The following ULK4 variants were observed in gnomAD, a reference collection of about 807,000 sequenced individuals.
ULK4 encodes unc-51 like kinase 4.
Under a neutral mutation model 160.6 loss-of-function variants are expected in ULK4, and 133 were observed. The ratio of observed to expected loss-of-function variants is 0.83; its 90% confidence interval spans 0.72 to 0.96. The LOEUF (loss-of-function observed/expected upper bound fraction) is 0.96. Among genes scored for constraint, ULK4 ranks in the 40% least tolerant of loss-of-function variants. The pLI, the probability that ULK4 is intolerant of heterozygous loss-of-function variation, is 0.00. For synonymous variants in ULK4, 534 were observed against 539.8 expected, an observed-to-expected ratio of 0.99 and a Z score of 0.15; for missense variants, 1,580 against 1,499.5, an observed-to-expected ratio of 1.05 and a Z score of -0.89.
At chr3:41,469,625 A>AAAAAAAAAAAAAAAC (rs1559625851) in intron 32 of ULK4, among the ~76,000 whole-genome samples, 3 of 148,530 alleles carry the variant, frequency 2.0e-5, no homozygotes, top group Non-Finnish European at 1.5e-5. Context: ...AAAAAAAAAA[A>AAAAAAAAAAAAAAAC]AACACCTTAA....
At chr3:41,399,773 T>C (rs561968665) in intron 34 of ULK4, among the ~76,000 whole-genome samples, 23 of 152,046 alleles carry the variant, frequency 1.5e-4, no homozygotes, top group Non-Finnish European at 1.8e-4. Flanking sequence ...ACCTTGCTAA[T>C]TTTTAAATTT....
At chr3:41,470,044 A>C (rs199615465) in intron 32 of ULK4, among the ~76,000 whole-genome samples, 32,710 of 116,366 alleles carry the variant, frequency 0.28, 3,643 homozygotes, top group African/African-American at 0.37. Flanking sequence ...AAAAAAAAAA[A>C]AACAAAGTAT....
intron 34 of ULK4, among the ~76,000 whole-genome samples, chr3:41,421,642 T>C (rs2082666733): frequency 1.3e-5 from 2 of 152,216 alleles, no homozygotes; most frequent in Non-Finnish European, 1.5e-5. Context: ...TTAAGTAATG[T>C]ACTGCTAGAT....
intron 35 of ULK4, among the ~76,000 whole-genome samples, chr3:41,396,259 GC>G (rs1317858264): frequency 6.6e-6 from 1 of 151,734 alleles, no homozygotes; most frequent in Non-Finnish European, 1.5e-5. Context: ...TGATGTCATT[GC>G]CTGAGTGTCT....
chr3:41,953,302 ATATTTTTT>A (rs1159711139), intron 2 of ULK4, among the ~76,000 whole-genome samples: 3 of 108,030 alleles, frequency 2.8e-5, no homozygotes, highest in African/African-American at 4.1e-5. Context: ...ATATATATAT[ATATTTTTT>A]TTTTTTTTTG....
intron 22 of ULK4, among the ~76,000 whole-genome samples, chr3:41,718,233 T>G (rs935344066): frequency 6.6e-6 from 1 of 152,184 alleles, no homozygotes; most frequent in Admixed American, 6.5e-5. Flanking sequence ...TCATTAGTAT[T>G]CAATTTGCTT....
intron 20 of ULK4, among the ~76,000 whole-genome samples, chr3:41,791,869 A>G (rs912187677): frequency 6.6e-6 from 1 of 152,222 alleles, no homozygotes; most frequent in African/African-American, 2.4e-5. Flanking sequence ...CTATCATATG[A>G]AACACCTATA....
chr3:41,824,529 G>A (rs1030574117), intron 18 of ULK4, among the ~76,000 whole-genome samples: 2 of 152,186 alleles, frequency 1.3e-5, no homozygotes, highest in South Asian at 4.1e-4. Context: ...TCCCACGCCT[G>A]GCTCGGAGGG....
Position 41,931,882 on chromosome 3 carries a change from T to C in ULK4, c.503A>G (p.Glu168Gly), listed in dbSNP as rs1209144687. 2 of 1,614,138 alleles carry C rather than the reference T, an allele frequency of 1.2e-6. No homozygotes were observed. The highest frequency in any genetic ancestry group is 1.7e-6 in the Non-Finnish European group (2 of 1,180,014). ...AAEEGGGDNG[E>G]NVLKKSMKSR... Reference sequence around the variant, plus strand: ...TTTCATGCTTTTCTTCAGGACATTTTCCCCATTATCACCTCCTCCTTCCTC... The same window carrying C: ...TTTCATGCTTTTCTTCAGGACATTTCCCCCATTATCACCTCCTCCTTCCTC... The change falls in exon 5 of 37, where the codon GAA (glutamate) becomes GGA (glycine). Residue 168 changes from glutamate (E) to glycine (G), a missense_variant. Coordinates refer to ENST00000301831, the MANE Select transcript of ULK4 (RefSeq NM_017886.4).
At chr3:41,536,637 C>A (rs2086510181) in intron 32 of ULK4, among the ~76,000 whole-genome samples, 1 of 152,066 alleles carries the variant, frequency 6.6e-6, no homozygotes, top group Admixed American at 6.6e-5. Context: ...AAAATGTTAT[C>A]AAGAATATCA....
At chr3:41,249,386 G>A in intron 36 of ULK4, 103 bp downstream of exon 36, 8 of 1,074,876 alleles carry the variant, frequency 7.4e-6, no homozygotes, top group Non-Finnish European at 1.1e-5. Context: ...GAAGGTGGTA[G>A]TCCCTGGTGT....
At chr3:41,368,928 A>G (rs1171222448) in intron 35 of ULK4, among the ~76,000 whole-genome samples, 1 of 152,202 alleles carries the variant, frequency 6.6e-6, no homozygotes, top group African/African-American at 2.4e-5. Flanking sequence ...AAAATAGTAC[A>G]TCAAACTTTT....
chr3:41,517,305 A>G (rs897430654), intron 32 of ULK4, among the ~76,000 whole-genome samples: 1 of 152,202 alleles, frequency 6.6e-6, no homozygotes, highest in Non-Finnish European at 1.5e-5. Context: ...ATTAGAACCT[A>G]AGACCCAATA....
intron 32 of ULK4, among the ~76,000 whole-genome samples, chr3:41,511,617 A>G (rs2085580445): frequency 6.6e-6 from 1 of 152,138 alleles, no homozygotes; most frequent in African/African-American, 2.4e-5. Flanking sequence ...AACAGAGAAA[A>G]GCAAACAGTG....
At chr3:41,362,967 G>T (rs984242881) in intron 35 of ULK4, among the ~76,000 whole-genome samples, 2 of 152,246 alleles carry the variant, frequency 1.3e-5, no homozygotes, top group African/African-American at 4.8e-5. Context: ...GCAGTCTCCA[G>T]TGTCATTTGT....
intron 32 of ULK4, among the ~76,000 whole-genome samples, chr3:41,477,911 T>C (rs1420072213): frequency 1.3e-5 from 2 of 152,226 alleles, no homozygotes; most frequent in African/African-American, 4.8e-5. Flanking sequence ...CCTATGCTAT[T>C]TTAGCCCTGT....
At chr3:41,784,910 T>C (rs557512352) in intron 21 of ULK4, among the ~76,000 whole-genome samples, 2 of 152,216 alleles carry the variant, frequency 1.3e-5, no homozygotes, top group South Asian at 4.1e-4. Flanking sequence ...AAACTACAAA[T>C]AACTATGAAA....
chr3:41,811,230 CCT>C (rs891659072), intron 19 of ULK4, among the ~76,000 whole-genome samples: 1 of 150,922 alleles, frequency 6.6e-6, no homozygotes, highest in African/African-American at 2.4e-5. Flanking sequence ...GGAGTCTCAC[CCT>C]GTTACCCAGG....
chr3:41,563,999 T>C (rs138778359), intron 32 of ULK4, among the ~76,000 whole-genome samples: 1 of 152,356 alleles, frequency 6.6e-6, no homozygotes, highest in Admixed American at 6.5e-5. Context: ...TTTGTGGTTT[T>C]ATCTACCTTT....
Sources: gnomAD v4.1 joint callset for allele counts (sites outside exome capture counted in the v4.1 genomes callset) on GRCh38, gnomAD v4.1.1 for gene constraint, MANE v1.5 for transcripts, NCBI Gene and HGNC (gene_info 2026-07-23, HGNC 2026-07-21) for gene names.